Variants in SYNPO2 observed in about 807,000 individuals in gnomAD.
SYNPO2 encodes the protein synaptopodin 2.
A neutral mutation model predicts 85.0 loss-of-function variants in SYNPO2; 56 were observed. The ratio of observed to expected loss-of-function variants is 0.66; its 90% CI spans 0.53 to 0.82. SYNPO2 has a LOEUF of 0.82. SYNPO2 is among the 40% of genes least tolerant of loss of function. The pLI is 0.00. For synonymous variants in SYNPO2, 602 were observed against 591.1 expected (o/e 1.02, Z -0.27); for missense variants, 1,575 against 1,534.2 (o/e 1.03, Z -0.44).
chr4:118,984,546 C>G (rs1448879349), intron 1 of SYNPO2, among the ~76,000 whole-genome samples: 1 of 152,224 alleles, frequency 6.6e-6, no homozygotes, highest in African/African-American at 2.4e-5. Flanking sequence ...CACAGGCCAG[C>G]ACTCTGGATT....
intron 4 of SYNPO2, chr4:119,035,882 T>G (rs1181680617): frequency 4.1e-6 from 4 of 984,508 alleles, no homozygotes; most frequent in East Asian, 1.1e-4. Flanking sequence ...TGTGAGACCA[T>G]TTTCCTATTT....
intron 1 of SYNPO2, among the ~76,000 whole-genome samples, chr4:118,880,162 TAAG>T (rs778779850): frequency 7.9e-5 from 12 of 152,182 alleles, no homozygotes; most frequent in East Asian, 1.9e-4. Context: ...TTGCTCGGAA[TAAG>T]AAGAAGGAGA....
rs948909384 is a variant in SYNPO2, at chr4:119,037,145, A to G, written c.3252+5118A>G. On this transcript the variant is annotated intron_variant, in intron 4 of 4. Coordinates refer to ENST00000307142, the MANE Select transcript of SYNPO2 (RefSeq NM_133477.3). ...TAAATCTGGGATCCATAGTCAAGAT[A>G]TCATAAGGACCTACTTCCCAGCCTA... is the stretch of plus-strand genomic sequence containing the variant. 5 of 1,546,122 alleles carry G rather than the reference A, an allele frequency of 3.2e-6. No individual in the cohort carries two copies. In the African/African-American group the frequency reaches 6.9e-5, roughly 21 times the overall value.
intron 1 of SYNPO2, among the ~76,000 whole-genome samples, chr4:118,973,235 T>A (rs1735601013): frequency 6.6e-6 from 1 of 152,196 alleles, no homozygotes; most frequent in Non-Finnish European, 1.5e-5. Context: ...GAATTATTAA[T>A]TCAAGGATTC....
chr4:118,927,522 T>C (rs1733750853), intron 1 of SYNPO2, among the ~76,000 whole-genome samples: 1 of 152,110 alleles, frequency 6.6e-6, no homozygotes, highest in Non-Finnish European at 1.5e-5. Context: ...CTCAGAAAAG[T>C]CTTTCTTCCA....
chr4:118,875,258 T>C (rs999292891), intron 1 of SYNPO2, among the ~76,000 whole-genome samples: 5 of 152,344 alleles, frequency 3.3e-5, no homozygotes, highest in African/African-American at 1.2e-4. Flanking sequence ...CAGTCTATCA[T>C]TGATGGGCAT....
At chr4:118,863,738 A>G (rs1306395008) in intron 1 of SYNPO2, among the ~76,000 whole-genome samples, 1 of 151,992 alleles carries the variant, frequency 6.6e-6, no homozygotes, top group Non-Finnish European at 1.5e-5. Context: ...CAGTCTTCCC[A>G]GTAGCTGGGA....
chr4:119,026,603 C>T, intron 2 of SYNPO2, 24 bp from the exon 3 acceptor site: 1 of 1,559,454 alleles, frequency 6.4e-7, no homozygotes. Context: ...ATTTAAGTGT[C>T]TGGAATGATT....
intron 4 of SYNPO2, chr4:119,034,202 G>A: frequency 3.0e-6 from 3 of 985,430 alleles, no homozygotes; most frequent in South Asian, 4.7e-5. Context: ...TTCTTATGGT[G>A]CAGCAGGAAA....
rs1287534467 is a variant in SYNPO2 at position 119,061,038 on chromosome 4, T to A, written c.*3104T>A. 1 of 152,144 alleles carries A rather than the reference T, an allele frequency of 6.6e-6. No homozygotes were observed. The highest frequency in any genetic ancestry group is 1.5e-5 in the Non-Finnish European group (1 of 68,020). The allele number at this position is 152,144 out of a possible 1,614,324, so 9.4% of individuals were successfully genotyped here. A position where few individuals can be genotyped will look rare whatever the true frequency, so the allele number is the denominator to read the frequency against. Reference sequence around the variant, plus strand: ...ACTAGAGAGAAATTCCAGAAATATTTGTTTTTTTAAGAGAAAGTAAATTTT... The same window carrying A: ...ACTAGAGAGAAATTCCAGAAATATTAGTTTTTTTAAGAGAAAGTAAATTTT... On this transcript the variant is annotated 3_prime_UTR_variant, in exon 5 of 5. Transcript: ENST00000307142.
In SYNPO2 at chr4:119,031,557, A is replaced by G. The variant is rs1482347018; in HGVS notation, c.2782A>G (p.Ile928Val). Residue 928 changes from isoleucine to valine, a missense_variant, in exon 4 of 5, where the codon ATC becomes GTC. Ile to Val is a conservative substitution (Grantham distance 29). This residue lies in a region of SYNPO2 where 1,508 missense variants were observed against 1,446.8 expected (regional missense o/e 1.04). Coordinates refer to ENST00000307142, the MANE Select transcript of SYNPO2 (RefSeq NM_133477.3). Reference sequence around the variant, plus strand: ...ACCTCCTCCTGTGGCCTATAATCCTATCCACTCGCCGTCTTACCCACTGGC... The same window carrying G: ...ACCTCCTCCTGTGGCCTATAATCCTGTCCACTCGCCGTCTTACCCACTGGC... ...RAPPPVAYNPIHSPSYPLAAL... is the reference protein window; with the variant it reads ...RAPPPVAYNPVHSPSYPLAAL... The G allele has an allele frequency of 6.2e-7, 1 of 1,613,884 alleles. No individual in the cohort carries two copies. Among genetic ancestry groups the G allele is most frequent in the African/African-American group, 1.3e-5 (1 of 74,854 alleles).
intron 1 of SYNPO2, among the ~76,000 whole-genome samples, chr4:118,952,094 A>C (rs567818692): frequency 3.1e-4 from 47 of 152,308 alleles, no homozygotes; most frequent in African/African-American, 1.1e-3. Flanking sequence ...GTGAAGGGTT[A>C]TGAGAGAAGT....
At chr4:118,879,265 G>A (rs1041282500) in intron 1 of SYNPO2, among the ~76,000 whole-genome samples, 13 of 152,248 alleles carry the variant, frequency 8.5e-5, no homozygotes, top group Admixed American at 2.0e-4. Context: ...CCACTGGAAT[G>A]AACCAATTCT....
intron 1 of SYNPO2, among the ~76,000 whole-genome samples, chr4:118,872,917 T>C (rs1449293553): frequency 6.6e-6 from 1 of 152,140 alleles, no homozygotes; most frequent in Admixed American, 6.5e-5. Flanking sequence ...AGTGAGAACA[T>C]GCAGTATTTG....
intron 1 of SYNPO2, among the ~76,000 whole-genome samples, chr4:118,873,845 A>G (rs1419963005): frequency 6.6e-6 from 1 of 152,012 alleles, no homozygotes; most frequent in Non-Finnish European, 1.5e-5. Flanking sequence ...ATTCACCTTG[A>G]GTTGATTTTC....
chr4:118,861,715 G>A (rs1731614965), intron 1 of SYNPO2, among the ~76,000 whole-genome samples: 1 of 152,050 alleles, frequency 6.6e-6, no homozygotes, highest in Non-Finnish European at 1.5e-5. Context: ...CTATTTTTGT[G>A]CCAATACCAT....
chr4:118,976,494 G>A (rs896351950), intron 1 of SYNPO2, among the ~76,000 whole-genome samples: 1 of 152,164 alleles, frequency 6.6e-6, no homozygotes, highest in African/African-American at 2.4e-5. Flanking sequence ...GCTGGCTAGG[G>A]CAGCCTGCTT....
rs1739271656 is a variant in SYNPO2 at position 119,058,016 on chromosome 4, A to G, written c.*82A>G. On this transcript the variant is annotated 3_prime_UTR_variant, in exon 5 of 5. Transcript: ENST00000307142. ...GTAGGGTTTTAAACTTTTCTAATAG[A>G]TTTAGATTCACTTTTGGTCTTGGCT... is the stretch of plus-strand genomic sequence containing the variant. 1 of 1,437,316 alleles carries G rather than the reference A, an allele frequency of 7.0e-7. No individual in the cohort carries two copies. The highest frequency in any genetic ancestry group is 1.4e-5 in the South Asian group (1 of 69,846). 89.0% of individuals were successfully genotyped at this position (1,437,316 alleles called of 1,614,324 possible).
chr4:118,912,338 A>G (rs736964), intron 1 of SYNPO2, among the ~76,000 whole-genome samples: 127,658 of 152,008 alleles, frequency 0.84, 53,846 homozygotes, highest in Middle Eastern at 0.94. Context: ...ATGCCACCAG[A>G]CCCAGCTAAT....
Sources: allele counts gnomAD v4.1 joint callset (sites outside exome capture counted in the v4.1 genomes callset), GRCh38; gene constraint gnomAD v4.1.1; regional missense constraint gnomAD v4.1.1; transcripts MANE v1.5; gene names NCBI Gene and HGNC (gene_info 2026-07-23, HGNC 2026-07-21).